The following DPY19L3 variants were observed in gnomAD, a reference collection of about 807,000 sequenced individuals.
DPY19L3 encodes protein C-mannosyl-transferase DPY19L3.
In DPY19L3, 51 loss-of-function variants were observed where a neutral mutation model predicts 92.3. That is an observed-to-expected ratio of 0.55 (90% CI 0.44 to 0.70). The LOEUF (loss-of-function observed/expected upper bound fraction) is 0.70. DPY19L3 is among the 30% of genes least tolerant of loss of function. The pLI is 0.00. For missense variants in DPY19L3, 706 were observed against 855.9 expected (o/e 0.82, Z 2.18); for synonymous variants, 309 against 315.2 (o/e 0.98, Z 0.21).
rs1008221227 is a variant in DPY19L3, at chr19:32,411,328, C to T, written c.193C>T (p.Leu65Phe). 1.2e-6 allele frequency: 2 copies of T among 1,613,996 alleles called. No individual in the cohort carries two copies. Among genetic ancestry groups the T allele is most frequent in the Non-Finnish European group, 1.7e-6 (2 of 1,179,976 alleles). ...LCIGLLTSVY[L>F]ATLHENDLWF... ...CATTGGACTTCTTACATCTGTCTAC[C>T]TTGCCACGTTACATGAAAATGATTT... Residue 65 changes from leucine (L) to phenylalanine (F), a missense_variant, in exon 3 of 19, where the codon CTT (leucine) becomes TTT (phenylalanine). Physicochemically the swap from Leu to Phe is conservative, Grantham distance 22. Coordinates refer to ENST00000392250, the MANE Select transcript of DPY19L3 (RefSeq NM_001172774.2).
Position 32,463,378 on chromosome 19 carries a change from TCAA to T in DPY19L3, c.1339_1341del (p.Gln447del). On this transcript the variant is annotated inframe_deletion, in exon 13 of 19. Transcript: ENST00000392250. ...CTGTTTTACTCAGTGATTCTACAAATCAACAATCCGTGGGTAAAATGGAAAAAG... is the reference window on the plus strand; with the variant it reads ...CTGTTTTACTCAGTGATTCTACAAATCAATCCGTGGGTAAAATGGAAAAAG... 1 of 1,613,688 alleles carries T rather than the reference TCAA, an allele frequency of 6.2e-7. No individual in the cohort carries two copies. The highest frequency in any genetic ancestry group is 8.5e-7 in the Non-Finnish European group (1 of 1,179,726).
chr19:32,443,391 C>T (rs1001657472), intron 8 of DPY19L3, among the ~76,000 whole-genome samples: 2 of 152,116 alleles, frequency 1.3e-5, no homozygotes, highest in Non-Finnish European at 2.9e-5. Flanking sequence ...ATGTTGAAAC[C>T]CAAATCCCCA....
In DPY19L3 at chr19:32,477,656, T is replaced by C; in HGVS notation, c.1830+2T>C. The C allele has an allele frequency of 6.2e-7, 1 of 1,613,854 alleles. No homozygotes were observed. The highest frequency in any genetic ancestry group is 8.5e-7 in the Non-Finnish European group (1 of 1,180,002). On this transcript the variant is annotated splice_donor_variant, in intron 17 of 18. Transcript: ENST00000392250. LOFTEE classifies it high-confidence loss of function. ...AGCCTGAGAGAGCGGACCAGAGCGGTGAGGCTCCCCAGTGCCTCCCCTCGC... is the reference window on the plus strand; with the variant it reads ...AGCCTGAGAGAGCGGACCAGAGCGGCGAGGCTCCCCAGTGCCTCCCCTCGC...
At chr19:32,436,717 C>A in intron 5 of DPY19L3, 150 bp downstream of exon 5, 1 of 708,456 alleles carries the variant, frequency 1.4e-6, no homozygotes, top group Non-Finnish European at 2.2e-6. Context: ...ATATTATGAA[C>A]TTTATAAGAT....
intron 7 of DPY19L3, 65 bp from the exon 8 acceptor site, chr19:32,439,711 A>G: frequency 6.4e-7 from 1 of 1,553,734 alleles, no homozygotes; most frequent in Non-Finnish European, 8.7e-7. Context: ...CTCTTGAGAA[A>G]ACTTGTCTGC....
At chr19:32,431,512 A>G (rs1197312992) in intron 3 of DPY19L3, among the ~76,000 whole-genome samples, 2 of 152,186 alleles carry the variant, frequency 1.3e-5, no homozygotes, top group African/African-American at 4.8e-5. Context: ...ATTTATTTAT[A>G]CTTTTACAGG....
chr19:32,410,871 A>T (rs1043630712), intron 2 of DPY19L3, among the ~76,000 whole-genome samples: 3 of 152,276 alleles, frequency 2.0e-5, no homozygotes, highest in East Asian at 1.9e-4. Context: ...TATCTAAAAG[A>T]TCGATTACGT....
intron 3 of DPY19L3, chr19:32,413,142 A>G (rs1366333332): frequency 6.6e-6 from 1 of 152,186 alleles, no homozygotes; most frequent in Non-Finnish European, 1.5e-5. Context: ...TGTGGTGTCT[A>G]ATGACTAGTT....
At chr19:32,478,938 G>A (rs1970592322) in intron 17 of DPY19L3, among the ~76,000 whole-genome samples, 1 of 152,066 alleles carries the variant, frequency 6.6e-6, no homozygotes, top group Admixed American at 6.5e-5. Flanking sequence ...GACATCTGTA[G>A]TGTAGATCGA....
intron 2 of DPY19L3, among the ~76,000 whole-genome samples, chr19:32,409,016 T>C (rs1017792619): frequency 1.3e-5 from 2 of 152,210 alleles, no homozygotes; most frequent in African/African-American, 2.4e-5. Flanking sequence ...GAATTTACAT[T>C]ATTTACAGCC....
chr19:32,447,711 C>T (rs1271170818), intron 8 of DPY19L3, among the ~76,000 whole-genome samples: 6 of 144,838 alleles, frequency 4.1e-5, no homozygotes, highest in South Asian at 2.2e-4. Context: ...AGCGAAACTC[C>T]GTCTCATTCA....
intron 3 of DPY19L3, among the ~76,000 whole-genome samples, chr19:32,429,210 G>A (rs1247826090): frequency 3.3e-5 from 5 of 152,130 alleles, no homozygotes; most frequent in Admixed American, 6.6e-5. Context: ...CATTATCTTC[G>A]AAGATGTTTT....
At chr19:32,447,802 C>CATAG (rs56169352) in intron 8 of DPY19L3, among the ~76,000 whole-genome samples, 21,979 of 85,252 alleles carry the variant, frequency 0.26, 1,888 homozygotes, top group African/African-American at 0.27. Flanking sequence ...CCATCTCATT[C>CATAG]ATAGATAGAT....
Position 32,480,506 on chromosome 19 carries a change from G to C in DPY19L3, c.1938G>C (p.Arg646Ser), listed in dbSNP as rs780256185. Residue 646 changes from arginine (R) to serine (S), a missense_variant, in exon 18 of 19, where the codon AGG becomes AGC. By Grantham distance (110) the Arg-to-Ser change is moderately radical. Coordinates refer to ENST00000392250, the MANE Select transcript of DPY19L3 (RefSeq NM_001172774.2). ...AAGACAGCATCTGCTACGAGCGGAG[G>C]CACCGCCGGGGCTGCCGACTCCGGG... ...ILEDSICYER[R>S]HRRGCRLRDL... The C allele has an allele frequency of 6.2e-7, 1 of 1,614,174 alleles. No homozygotes were observed. The highest frequency in any genetic ancestry group is 8.5e-7 in the Non-Finnish European group (1 of 1,180,012).
At chr19:32,416,152 T>G (rs1968370502) in intron 3 of DPY19L3, among the ~76,000 whole-genome samples, 1 of 152,186 alleles carries the variant, frequency 6.6e-6, no homozygotes, top group African/African-American at 2.4e-5. Context: ...GCTTTGAGGC[T>G]GCATAAGAGT....
rs1968061250 is a variant in DPY19L3 at position 32,408,491 on chromosome 19, C to G, written c.103+135C>G. The stretch of plus-strand genomic sequence containing the variant: ...TTGTAGTACCCTGATATTCTAATTG[C>G]AATTTGATTAGATTGATTTTACAGT... On this transcript the variant is annotated intron_variant, in intron 2 of 18. Transcript: ENST00000392250. The G allele has an allele frequency of 4.8e-6, 3 of 629,226 alleles. No homozygotes were observed. In the South Asian group the frequency reaches 6.0e-5, roughly 13 times the overall value. The allele number at this position is 629,226 out of a possible 1,614,324, so 39.0% of individuals were successfully genotyped here. A position where few individuals can be genotyped will look rare whatever the true frequency, so the allele number is the denominator to read the frequency against.
chr19:32,453,235 A>G lies in DPY19L3; in HGVS notation c.946A>G (p.Ile316Val), dbSNP rs527368198. 1 of 1,613,992 alleles carries G rather than the reference A, an allele frequency of 6.2e-7. No individual in the cohort carries two copies. Among genetic ancestry groups the G allele is most frequent in the East Asian group, 2.2e-5 (1 of 44,876 alleles). Residue 316 changes from isoleucine (I) to valine (V), a missense_variant, in exon 9 of 19, where the codon ATC becomes GTC. Ile to Val is a conservative substitution (Grantham distance 29). Coordinates refer to ENST00000392250, the MANE Select transcript of DPY19L3 (RefSeq NM_001172774.2). ...FNSMILGSLL[I>V]SFNLSVFIAR... ...TTCCATGATTCTTGGATCACTGCTT[A>G]TCAGTTTTAACCTTTCAGTATTCAT...
chr19:32,411,638 G>A, intron 3 of DPY19L3: 1 of 417,194 alleles, frequency 2.4e-6, no homozygotes, highest in Non-Finnish European at 4.1e-6. Flanking sequence ...CGCAATCTTG[G>A]CTCACTACAA....
chr19:32,408,205 A>G lies in DPY19L3; in HGVS notation c.-37-12A>G. 1 of 1,383,360 alleles carries G rather than the reference A, an allele frequency of 7.2e-7. No individual in the cohort carries two copies. 85.7% of individuals were successfully genotyped at this position (1,383,360 alleles called of 1,614,324 possible). ...AGGCACTGACGTTGATGGCCTGTTT[A>G]TTGCTATCTAGGAGTGATTTGGAGA... On this transcript the variant is annotated splice_polypyrimidine_tract_variant and intron_variant, in intron 1 of 18. Transcript: ENST00000392250.
Sources: allele counts gnomAD v4.1 joint callset (sites outside exome capture counted in the v4.1 genomes callset), GRCh38; gene constraint gnomAD v4.1.1; transcripts MANE v1.5; gene names NCBI Gene and HGNC (gene_info 2026-07-23, HGNC 2026-07-21).